Variants in HECW1 observed in about 807,000 individuals in gnomAD.
HECW1 encodes E3 ubiquitin-protein ligase HECW1.
A neutral mutation model predicts 182.3 loss-of-function variants in HECW1; 61 were observed. That is an observed-to-expected ratio of 0.33 (90% confidence interval 0.27 to 0.41). The LOEUF is 0.41. HECW1 is among the 10% of genes least tolerant of loss of function. The pLI is 1.00. For synonymous variants in HECW1, 859 were observed against 832.6 expected, an observed-to-expected ratio of 1.03 and a Z score of -0.55; for missense variants, 1,739 against 2,108.9, an observed-to-expected ratio of 0.82 and a Z score of 3.44.
At chr7:43,451,890 C>G (rs2077248088) in intron 12 of HECW1, among the ~76,000 whole-genome samples, 2 of 152,076 alleles carry the variant, frequency 1.3e-5, no homozygotes, top group Non-Finnish European at 2.9e-5. Flanking sequence ...ATTCTTTTGC[C>G]TGTGCTTACA....
intron 12 of HECW1, among the ~76,000 whole-genome samples, chr7:43,453,699 T>C (rs1421923107): frequency 6.6e-6 from 1 of 152,218 alleles, no homozygotes; most frequent in Non-Finnish European, 1.5e-5. Flanking sequence ...GTGGAGAACA[T>C]ATAATTTAGT....
At chr7:43,328,555 G>C (rs1811081597) in intron 5 of HECW1, among the ~76,000 whole-genome samples, 1 of 152,204 alleles carries the variant, frequency 6.6e-6, no homozygotes, top group Admixed American at 6.5e-5. Flanking sequence ...AGCCCACGTG[G>C]GAAGACAAGA....
intron 2 of HECW1, among the ~76,000 whole-genome samples, chr7:43,235,587 G>T (rs1362075979): frequency 6.6e-6 from 1 of 152,164 alleles, no homozygotes; most frequent in Non-Finnish European, 1.5e-5. Context: ...ATGAAAACAG[G>T]AATTTAATCC....
intron 16 of HECW1, among the ~76,000 whole-genome samples, chr7:43,478,490 G>A (rs2078300122): frequency 6.6e-6 from 1 of 151,908 alleles, no homozygotes; most frequent in South Asian, 2.1e-4. Flanking sequence ...AACAATTAAG[G>A]GTACTAAAAT....
intron 2 of HECW1, among the ~76,000 whole-genome samples, chr7:43,173,674 G>C (rs1791916621): frequency 6.6e-6 from 1 of 152,118 alleles, no homozygotes; most frequent in African/African-American, 2.4e-5. Context: ...AGGAGGCAGA[G>C]CTCAGGCAGT....
intron 2 of HECW1, among the ~76,000 whole-genome samples, chr7:43,234,286 A>G (rs1562710991): frequency 1.3e-5 from 2 of 152,202 alleles, no homozygotes; most frequent in Non-Finnish European, 2.9e-5. Flanking sequence ...CAGCAGCCAG[A>G]GAGCCCCTGC....
At chr7:43,557,853 T>G (rs2082081698) in intron 29 of HECW1, among the ~76,000 whole-genome samples, 1 of 152,240 alleles carries the variant, frequency 6.6e-6, no homozygotes, top group Non-Finnish European at 1.5e-5. Flanking sequence ...TTTACCCTTA[T>G]TATCTGCAAT....
intron 16 of HECW1, among the ~76,000 whole-genome samples, chr7:43,478,370 C>T (rs1399054574): frequency 2.0e-5 from 3 of 152,092 alleles, no homozygotes; most frequent in African/African-American, 7.2e-5. Context: ...GAGCTGAGAT[C>T]GCGCCACTGC....
chr7:43,540,060 A>G (rs970057061), intron 24 of HECW1, among the ~76,000 whole-genome samples: 1 of 152,208 alleles, frequency 6.6e-6, no homozygotes, highest in African/African-American at 2.4e-5. Context: ...ATGTTATTTC[A>G]TGGAAAAAGA....
rs1311082554 is a variant in HECW1 at position 43,523,115 on chromosome 7, T to C, written c.4019+13994T>C. ...TCCTCCCAGGTTCAAGCAATTCTCC[T>C]GCCTCAGCCTCTCAAGTAGCTGGGA... On this transcript the variant is annotated intron_variant, in intron 24 of 29. Transcript: ENST00000395891. 3 of 383,510 alleles carry C rather than the reference T, an allele frequency of 7.8e-6. No individual in the cohort carries two copies. The East Asian group carries it at 2.8e-4, about 36-fold the overall frequency. 23.8% of individuals were successfully genotyped at this position (383,510 alleles called of 1,614,324 possible).
chr7:43,437,895 T>C, intron 8 of HECW1, 108 bp from the exon 9 acceptor site: 5 of 1,092,096 alleles, frequency 4.6e-6, no homozygotes, highest in Non-Finnish European at 6.7e-6. Flanking sequence ...TATATAGGTA[T>C]ATTATAGCTA....
rs796502195 is a variant in HECW1, at chr7:43,319,601, C to CTTTTTTTTTTTTTTTTTTTTTT, written c.353-1031_353-1010dup. Among the ~76,000 whole-genome samples, 12 of 47,438 alleles carry CTTTTTTTTTTTTTTTTTTTTTT rather than the reference C, an allele frequency of 2.5e-4. 1 individual carries two copies. The highest frequency in any genetic ancestry group is 1.4e-3 in the African/African-American group (11 of 7,880). 31.1% of individuals were successfully genotyped at this position (47,438 alleles called of 152,430 possible). A position where few individuals can be genotyped will look rare whatever the true frequency, so the allele number is the denominator to read the frequency against. On this transcript the variant is annotated intron_variant, in intron 4 of 29. Transcript: ENST00000395891. ...CTGTTCTTTTCCTTTCTTTTCTTTT[C>CTTTTTTTTTTTTTTTTTTTTTT]TTTTTTTTTTTTTTTTTTTTTTTTG...
intron 5 of HECW1, among the ~76,000 whole-genome samples, chr7:43,343,415 A>T (rs904702795): frequency 6.6e-6 from 1 of 151,166 alleles, no homozygotes; most frequent in Non-Finnish European, 1.5e-5. Context: ...GCTATCCCTC[A>T]CCCTGCCCCC....
intron 6 of HECW1, among the ~76,000 whole-genome samples, chr7:43,367,607 A>T (rs1816808308): frequency 6.6e-6 from 1 of 152,250 alleles, no homozygotes; most frequent in African/African-American, 2.4e-5. Flanking sequence ...TGCTTGAGCT[A>T]GAATTACATA....
At chr7:43,520,428 C>T (rs964753964) in intron 24 of HECW1, among the ~76,000 whole-genome samples, 5 of 152,110 alleles carry the variant, frequency 3.3e-5, no homozygotes, top group Non-Finnish European at 5.9e-5. Flanking sequence ...CCTCTGCCCT[C>T]CCCACGCTTC....
At chr7:43,299,385 C>T (rs951458549) in intron 3 of HECW1, among the ~76,000 whole-genome samples, 2 of 152,152 alleles carry the variant, frequency 1.3e-5, no homozygotes, top group Non-Finnish European at 2.9e-5. Flanking sequence ...TGGTCACGGG[C>T]ATCTAAGCAA....
At chr7:43,560,036 G>A (rs1407850697) in intron 29 of HECW1, among the ~76,000 whole-genome samples, 1 of 152,072 alleles carries the variant, frequency 6.6e-6, no homozygotes, top group Non-Finnish European at 1.5e-5. Flanking sequence ...CCACTCATGA[G>A]TGCCAGTTAA....
At chr7:43,478,279 G>A (rs960527458) in intron 16 of HECW1, among the ~76,000 whole-genome samples, 6 of 151,734 alleles carry the variant, frequency 4.0e-5, no homozygotes, top group Non-Finnish European at 4.4e-5. Context: ...AGCTGGGTGT[G>A]GGGGTGTGCA....
In HECW1 at chr7:43,390,383, T is replaced by A. The variant is rs1185770773; in HGVS notation, c.556-6431T>A. ...GTGAGACCCCGTTCCTACAAAAAAATTTTTTTAATTTGCCAGGCATGGTGG... is the reference window on the plus strand; with the variant it reads ...GTGAGACCCCGTTCCTACAAAAAAAATTTTTTAATTTGCCAGGCATGGTGG... On this transcript the variant is annotated intron_variant, in intron 6 of 29. Transcript: ENST00000395891. Among the ~76,000 whole-genome samples, 9 of 151,898 alleles carry A rather than the reference T, an allele frequency of 5.9e-5. No individual in the cohort carries two copies. The East Asian group carries it at 1.2e-3, about 20-fold the overall frequency.
Sources: allele counts gnomAD v4.1 joint callset (sites outside exome capture counted in the v4.1 genomes callset), GRCh38; gene constraint gnomAD v4.1.1; transcripts MANE v1.5; gene names NCBI Gene and HGNC (gene_info 2026-07-23, HGNC 2026-07-21).